RBMS1: variants seen among roughly 807,000 people sequenced by gnomAD.
The protein encoded by RBMS1 is RNA binding motif single stranded interacting protein 1, also known as RNA-binding motif, single-stranded-interacting protein 1.
A neutral mutation model predicts 62.3 loss-of-function variants in RBMS1; 17 were observed. The ratio of observed to expected loss-of-function variants is 0.27; its 90% CI spans 0.19 to 0.41. The LOEUF (loss-of-function observed/expected upper bound fraction) is 0.41, where lower values mean the gene tolerates loss of function less well. RBMS1 is among the 10% of genes least tolerant of loss of function. The probability of loss-of-function intolerance (pLI) is 1.00; values close to 1 mark genes in which losing one functional copy is unlikely to be tolerated. For synonymous variants in RBMS1, 172 were observed against 170.0 expected (o/e 1.01, Z -0.09); for missense variants, 334 against 504.5 (o/e 0.66, Z 3.24).
At chr2:160,374,858 A>AGGCAGAG (rs1693910663) in intron 1 of RBMS1, among the ~76,000 whole-genome samples, 1 of 151,666 alleles carries the variant, frequency 6.6e-6, no homozygotes, top group Non-Finnish European at 1.5e-5. Flanking sequence ...TGAACCCAGG[A>AGGCAGAG]GGCAGAGGTT....
At chr2:160,367,588 TAC>T (rs1693480087) in intron 1 of RBMS1, 197 bp from the exon 2 acceptor site, 3 of 1,039,780 alleles carry the variant, frequency 2.9e-6, no homozygotes, top group Non-Finnish European at 3.9e-6. Flanking sequence ...TAATAGGGTT[TAC>T]TAAGTAAAAG....
At chr2:160,308,347 T>A (rs1574254560) in intron 4 of RBMS1, among the ~76,000 whole-genome samples, 1 of 151,878 alleles carries the variant, frequency 6.6e-6, no homozygotes, top group Non-Finnish European at 1.5e-5. Context: ...AGTGAGCCGA[T>A]ATCACCCCAC....
intron 1 of RBMS1, among the ~76,000 whole-genome samples, chr2:160,440,504 C>T (rs1683369313): frequency 6.6e-6 from 1 of 152,174 alleles, no homozygotes; most frequent in Non-Finnish European, 1.5e-5. Context: ...CCACCTTCTC[C>T]ACTGGATGAG....
At chr2:160,361,143 C>T (rs150760942) in intron 2 of RBMS1, among the ~76,000 whole-genome samples, 20 of 152,248 alleles carry the variant, frequency 1.3e-4, no homozygotes, top group Admixed American at 4.6e-4. Flanking sequence ...CTGTAAAAGA[C>T]GCAAAGAGTA....
chr2:160,458,532 C>A (rs1684334217), intron 1 of RBMS1, among the ~76,000 whole-genome samples: 1 of 152,154 alleles, frequency 6.6e-6, no homozygotes, highest in South Asian at 2.1e-4. Context: ...CACGGTGGCT[C>A]ACACCTGTAA....
At chr2:160,295,493 C>A (rs995550215) in intron 6 of RBMS1, among the ~76,000 whole-genome samples, 1 of 152,210 alleles carries the variant, frequency 6.6e-6, no homozygotes, top group Non-Finnish European at 1.5e-5. Flanking sequence ...AACTGTACCC[C>A]TGCAGTAACG....
At chr2:160,278,310 G>T in intron 11 of RBMS1, 1 of 541,812 alleles carries the variant, frequency 1.8e-6, no homozygotes, top group Non-Finnish European at 3.3e-6. Context: ...GGCTAGATGT[G>T]GTCACGTGTG....
At chr2:160,403,208 A>G (rs1695525516) in intron 1 of RBMS1, among the ~76,000 whole-genome samples, 1 of 152,322 alleles carries the variant, frequency 6.6e-6, no homozygotes, top group Admixed American at 6.5e-5. Context: ...ACACAGAGAT[A>G]ACATAACATA....
intron 1 of RBMS1, among the ~76,000 whole-genome samples, chr2:160,429,628 A>G (rs1242986050): frequency 6.6e-6 from 1 of 152,208 alleles, no homozygotes; most frequent in Non-Finnish European, 1.5e-5. Context: ...TGCCATGGTT[A>G]TTATGTACAG....
intron 1 of RBMS1, among the ~76,000 whole-genome samples, chr2:160,444,640 C>T (rs1411749772): frequency 6.6e-6 from 1 of 152,130 alleles, no homozygotes; most frequent in Non-Finnish European, 1.5e-5. Context: ...ACTGTGTCTC[C>T]CAAAAATGGC....
At chr2:160,325,677 T>C (rs1234523097) in intron 2 of RBMS1, among the ~76,000 whole-genome samples, 1 of 152,170 alleles carries the variant, frequency 6.6e-6, no homozygotes. Flanking sequence ...TACGTCTGTT[T>C]AGCAAATAAA....
intron 1 of RBMS1, among the ~76,000 whole-genome samples, chr2:160,449,342 T>C (rs890693036): frequency 2.0e-5 from 3 of 152,136 alleles, no homozygotes; most frequent in African/African-American, 2.4e-5. Flanking sequence ...AACAGCTCAT[T>C]GAGAATGGGC....
At chr2:160,446,625 T>C (rs1398114577) in intron 1 of RBMS1, among the ~76,000 whole-genome samples, 2 of 152,210 alleles carry the variant, frequency 1.3e-5, no homozygotes, top group African/African-American at 4.8e-5. Context: ...GGAAACCGTG[T>C]ATGTGAGAGA....
At chr2:160,410,221 CAAAAAAA>C (rs575199475) in intron 1 of RBMS1, among the ~76,000 whole-genome samples, 6,655 of 67,964 alleles carry the variant, frequency 0.098, 172 homozygotes, top group African/African-American at 0.23. Flanking sequence ...GACCCCGTCT[CAAAAAAA>C]AAAAAAAAAA....
At chr2:160,491,708 A>T (rs1041502328) in intron 1 of RBMS1, among the ~76,000 whole-genome samples, 5 of 152,238 alleles carry the variant, frequency 3.3e-5, no homozygotes, top group Non-Finnish European at 7.3e-5. Context: ...CCAATGCTGC[A>T]TAATTTAAAC....
chr2:160,394,527 C>T (rs765269968), intron 1 of RBMS1, among the ~76,000 whole-genome samples: 8 of 152,156 alleles, frequency 5.3e-5, no homozygotes, highest in Non-Finnish European at 1.0e-4. Context: ...TTTCTCAAGT[C>T]AGCTTTCTTG....
At chr2:160,278,370 T>C in intron 11 of RBMS1, 178 bp downstream of exon 11, 1 of 630,308 alleles carries the variant, frequency 1.6e-6, no homozygotes, top group Non-Finnish European at 2.8e-6. Flanking sequence ...GACTTTCAGT[T>C]CATCAATTAA....
intron 1 of RBMS1, among the ~76,000 whole-genome samples, chr2:160,416,580 T>C (rs1696217792): frequency 6.6e-6 from 1 of 152,114 alleles, no homozygotes; most frequent in Non-Finnish European, 1.5e-5. Flanking sequence ...CAGGTATTCT[T>C]ACCACCTGCC....
chr2:160,374,476 A>G (rs558282287), intron 1 of RBMS1, among the ~76,000 whole-genome samples: 23 of 152,182 alleles, frequency 1.5e-4, no homozygotes, highest in Non-Finnish European at 2.9e-4. Flanking sequence ...GAAGAACCTA[A>G]AAAGCAAGGT....
Sources: allele counts gnomAD v4.1 joint callset (sites outside exome capture counted in the v4.1 genomes callset), GRCh38; gene constraint gnomAD v4.1.1; transcripts MANE v1.5; gene names NCBI Gene and HGNC (gene_info 2026-07-23, HGNC 2026-07-21).